TRPC1: variants seen among roughly 807,000 people sequenced by gnomAD.
TRPC1 encodes transient receptor potential cation channel subfamily C member 1, also known as short transient receptor potential channel 1.
Under a neutral mutation model 88.2 loss-of-function variants are expected in TRPC1, and 42 were observed. That is an observed-to-expected ratio of 0.48 (90% confidence interval 0.37 to 0.62). The LOEUF (loss-of-function observed/expected upper bound fraction) is 0.62. Ranked by LOEUF, TRPC1 falls within the 20% of genes least tolerant of loss-of-function variation. TRPC1 has a pLI of 0.00. For missense variants in TRPC1, 699 were observed against 957.3 expected (o/e 0.73, Z 3.56); for synonymous variants, 288 against 331.8 (o/e 0.87, Z 1.43).
chr3:142,785,707 G>A (rs1231216993), intron 7 of TRPC1, among the ~76,000 whole-genome samples: 1 of 152,018 alleles, frequency 6.6e-6, no homozygotes, highest in Non-Finnish European at 1.5e-5. Flanking sequence ...CACTTCATTG[G>A]CCAGGCTGGT....
chr3:142,726,453 A>G (rs1933671643), intron 1 of TRPC1, among the ~76,000 whole-genome samples: 1 of 152,124 alleles, frequency 6.6e-6, no homozygotes, highest in Non-Finnish European at 1.5e-5. Flanking sequence ...TTTATTTTAT[A>G]ACATAATTGA....
chr3:142,787,015 A>G (rs2108130589), intron 7 of TRPC1, among the ~76,000 whole-genome samples: 1 of 152,344 alleles, frequency 6.6e-6, no homozygotes, highest in South Asian at 2.1e-4. Context: ...TGGTAAAACT[A>G]TAGCTCTTCC....
intron 1 of TRPC1, among the ~76,000 whole-genome samples, chr3:142,730,788 C>T (rs1204034474): frequency 6.6e-6 from 1 of 152,058 alleles, no homozygotes; most frequent in African/African-American, 2.4e-5. Context: ...TTTTAAGCAT[C>T]ATTGGTAATA....
rs764325445 is a variant in TRPC1 at position 142,791,035 on chromosome 3, C to T, written c.1314C>T (p.Asp438=). The change falls in exon 8 of 13, where the codon GAC becomes GAT. Residue 438 remains aspartate, a synonymous_variant. Transcript: ENST00000476941. ...TTTTCTCAGGGATGATTTGGTCAGA[C>T]ATTAAAAGACTCTGGTATGAAGGGT... ...ILWIIGMIWS[D]IKRLWYEGLE... 15 of 1,601,480 alleles carry T rather than the reference C, an allele frequency of 9.4e-6. No homozygotes were observed. The highest frequency in any genetic ancestry group is 1.3e-5 in the Non-Finnish European group (15 of 1,175,234).
chr3:142,804,749 A>T, intron 12 of TRPC1, 119 bp downstream of exon 12: 1 of 810,196 alleles, frequency 1.2e-6, no homozygotes, highest in Non-Finnish European at 1.9e-6. Flanking sequence ...ACTTTTTTTC[A>T]CTGCTATATA....
At position 142,804,585 on chromosome 3, in the gene TRPC1, C is replaced by G; in HGVS notation, c.2109C>G (p.Cys703Trp). 6.2e-7 allele frequency: 1 copy of G among 1,610,760 alleles called. No homozygotes were observed. The highest frequency in any genetic ancestry group is 8.5e-7 in the Non-Finnish European group (1 of 1,178,512). ...TTAGTAGCCTCAGTAAGTGGATTTG[C>G]TCTCATACATCAAAAGGCAAGGTCA... is the stretch of plus-strand genomic sequence containing the variant. ...YMISSLSKWI[C>W]SHTSKGKVKR... The change falls in exon 12 of 13, where the codon TGC (cysteine) becomes TGG (tryptophan). Residue 703 changes from cysteine (C) to tryptophan (W), a missense_variant. This residue lies in a region of TRPC1 where 105 missense variants were observed against 141.7 expected (regional missense o/e 0.74). Transcript: ENST00000476941.
In TRPC1 at chr3:142,804,367, T is replaced by C. The variant is rs1936718921; in HGVS notation, c.1960-69T>C. 2.8e-6 allele frequency: 4 copies of C among 1,404,276 alleles called. No homozygotes were observed. In the African/African-American group the frequency reaches 4.3e-5, roughly 15 times the overall value. 87.0% of individuals were successfully genotyped at this position (1,404,276 alleles called of 1,614,324 possible). On this transcript the variant is annotated intron_variant, in intron 11 of 12. Transcript: ENST00000476941. ...TTGAACAAAATTTTTCTGCAAGGTG[T>C]GGAAACATCCCCCATATTTGTGTGT...
At position 142,760,184 on chromosome 3, in the gene TRPC1, A is replaced by G. The variant is rs143660496; in HGVS notation, c.632+11724A>G. On this transcript the variant is annotated intron_variant, in intron 4 of 12. Transcript: ENST00000476941. ...AAAATTGGCCCAGACCAGTGTCCTG[A>G]AGAGTTTCCCCAATGTTTAATTTGA... 3.3e-3 allele frequency among the ~76,000 whole-genome samples: 503 copies of G among 152,290 alleles called. 11 individuals are homozygous for G. The highest frequency in any genetic ancestry group is 0.012 in the African/African-American group (489 of 41,566).
Position 142,777,763 on chromosome 3 carries a change from G to T in TRPC1, c.764G>T (p.Arg255Met), listed in dbSNP as rs1323175892. 1 of 1,604,688 alleles carries T rather than the reference G, an allele frequency of 6.2e-7. No individual in the cohort carries two copies. The highest frequency in any genetic ancestry group is 8.5e-7 in the Non-Finnish European group (1 of 1,175,654). Residue 255 changes from arginine (R) to methionine (M), a missense_variant and splice_region_variant, in exon 5 of 13, where the codon AGG (arginine) becomes ATG (methionine). Arg to Met is a moderately conservative substitution (Grantham distance 91). This residue lies in a region of TRPC1 where 426 missense variants were observed against 641.3 expected (regional missense o/e 0.66). Transcript: ENST00000476941. Reference sequence around the variant, plus strand: ...CTAAGTCTTGTGGAGGTGGAATTCAGGTGGGAATGAATGCAAATTATATAA... The same window carrying T: ...CTAAGTCTTGTGGAGGTGGAATTCATGTGGGAATGAATGCAAATTATATAA... ...KELSLVEVEF[R>M]NDYEELARQC...
At chr3:142,754,299 G>C (rs1934882808) in intron 4 of TRPC1, among the ~76,000 whole-genome samples, 1 of 151,840 alleles carries the variant, frequency 6.6e-6, no homozygotes, top group Admixed American at 6.6e-5. Context: ...TTTAAAGAAG[G>C]AGTCTTTATT....
chr3:142,762,654 C>T (rs1252057945), intron 4 of TRPC1, among the ~76,000 whole-genome samples: 1 of 151,758 alleles, frequency 6.6e-6, no homozygotes, highest in Admixed American at 6.6e-5. Context: ...CTCTCAAACT[C>T]CTGACCTCAA....
intron 4 of TRPC1, among the ~76,000 whole-genome samples, chr3:142,753,340 T>C (rs1934845050): frequency 6.6e-6 from 1 of 152,222 alleles, no homozygotes; most frequent in African/African-American, 2.4e-5. Flanking sequence ...TTTGGAACAT[T>C]AACAGTAGAG....
At position 142,767,774 on chromosome 3, in the gene TRPC1, T is replaced by C. The variant is rs1359518856; in HGVS notation, c.633-9858T>C. 6.6e-6 allele frequency among the ~76,000 whole-genome samples: 1 copy of C among 151,776 alleles called. No homozygotes were observed. The highest frequency in any genetic ancestry group is 2.4e-5 in the African/African-American group (1 of 41,390). ...CTTTCTGTCCCTACGGATGTACCTG[T>C]TCTGGATATTTCATATGAATGACAT... On this transcript the variant is annotated intron_variant, in intron 4 of 12. Coordinates refer to ENST00000476941, the MANE Select transcript of TRPC1 (RefSeq NM_001251845.2). The surrounding 1 kb of genome is among the most constrained non-coding windows in gnomAD (Gnocchi z 5.1).
At position 142,780,899 on chromosome 3, in the gene TRPC1, G is replaced by A. The variant is rs1347931843; in HGVS notation, c.830G>A (p.Arg277Gln). Residue 277 changes from arginine (R) to glutamine (Q), a missense_variant, in exon 6 of 13, where the codon CGG becomes CAG. Physicochemically the swap from Arg to Gln is conservative, Grantham distance 43. Transcript: ENST00000476941. ...GCTAAGGATTTACTTGCACAAGCCC[G>A]GAATTCTCGTGAATTGGAAGTTATT... ...MFAKDLLAQA[R>Q]NSRELEVILN... The A allele has an allele frequency of 3.7e-6, 6 of 1,613,682 alleles. No homozygotes were observed. Among genetic ancestry groups the A allele is most frequent in the Middle Eastern group, 1.7e-4 (1 of 6,058 alleles).
chr3:142,747,137 T>A (rs1246087608), intron 3 of TRPC1, among the ~76,000 whole-genome samples: 1 of 152,198 alleles, frequency 6.6e-6, no homozygotes, highest in East Asian at 1.9e-4. Context: ...ATGACCACTG[T>A]TTAATCATTG....
rs142931588 is a variant in TRPC1 at position 142,779,209 on chromosome 3, G to A, written c.764+1446G>A. Among the ~76,000 whole-genome samples the A allele has an allele frequency of 5.3e-3, 811 of 152,210 alleles. 2 individuals carry two copies. Among genetic ancestry groups the A allele is most frequent in the African/African-American group, 0.019 (782 of 41,554 alleles). ...CTTCAATCCAGTGTTTTATAGACAG[G>A]GGAGGAGATTTATAAAGGCTAGATT... On this transcript the variant is annotated intron_variant, in intron 5 of 12. Transcript: ENST00000476941.
intron 9 of TRPC1, among the ~76,000 whole-genome samples, chr3:142,799,786 T>G (rs1936561457): frequency 6.6e-6 from 1 of 151,994 alleles, no homozygotes; most frequent in Non-Finnish European, 1.5e-5. Context: ...GGAAACAGAG[T>G]GAAACTCTGT....
rs546908763 is a variant in TRPC1 at position 142,748,214 on chromosome 3, A to G, written c.430-44A>G. The G allele has an allele frequency of 2.1e-6, 3 of 1,462,306 alleles. No individual in the cohort carries two copies. In the African/African-American group the frequency reaches 4.2e-5, roughly 21 times the overall value. The allele number at this position is 1,462,306 out of a possible 1,614,324, so 90.6% of individuals were successfully genotyped here. A position where few individuals can be genotyped will look rare whatever the true frequency, so the allele number is the denominator to read the frequency against. ...TTCTTCAGATAAATATATTTTTTGA[A>G]GTCACAAATAATAACTTTGGACATT... On this transcript the variant is annotated intron_variant, in intron 3 of 12. Coordinates refer to ENST00000476941, the MANE Select transcript of TRPC1 (RefSeq NM_001251845.2).
chr3:142,786,731 GC>G (rs1936146278), intron 7 of TRPC1, among the ~76,000 whole-genome samples: 1 of 152,118 alleles, frequency 6.6e-6, no homozygotes, highest in Admixed American at 6.5e-5. Flanking sequence ...TCGCTAAGGA[GC>G]ACTTTCCCTA....
Sources: gnomAD v4.1 joint callset for allele counts (sites outside exome capture counted in the v4.1 genomes callset) on GRCh38, gnomAD v4.1.1 for gene constraint, gnomAD v4.1.1 regional missense constraint, Gnocchi (gnomAD v3.1) non-coding constraint, MANE v1.5 for transcripts, NCBI Gene and HGNC (gene_info 2026-07-23, HGNC 2026-07-21) for gene names.